Variants in PLXNA4 observed in about 807,000 individuals in gnomAD.
PLXNA4 encodes the protein plexin A4, also known as plexin-A4.
PLXNA4 carries 44 observed loss-of-function variants against 191.8 expected under a neutral mutation model. The observed-to-expected ratio is 0.23, with a 90% CI of 0.18 to 0.29. PLXNA4 has a LOEUF of 0.29. PLXNA4 is among the 10% of genes least tolerant of loss of function. The pLI, the probability that PLXNA4 is intolerant of heterozygous loss-of-function variation, is 1.00. For synonymous variants in PLXNA4, 1,082 were observed against 1,009.5 expected (o/e 1.07, Z -1.36); for missense variants, 1,800 against 2,488.8 (o/e 0.72, Z 5.89).
At position 132,228,379 on chromosome 7, in the gene PLXNA4, G is replaced by A; in HGVS notation, c.1695C>T (p.Pro565=). 1 of 1,614,070 alleles carries A rather than the reference G, an allele frequency of 6.2e-7. No individual in the cohort carries two copies. Among genetic ancestry groups the A allele is most frequent in the Non-Finnish European group, 8.5e-7 (1 of 1,180,002 alleles). The change falls in exon 6 of 32, where the codon CCC becomes CCT. Residue 565 remains proline, a synonymous_variant. Transcript: ENST00000321063. ...MKQCVRLTVH[P]NNISVSQYNV... is the part of the protein sequence containing the mutation. ...TGTACTGAGAGACGGAGATATTGTT[G>A]GGATGGACCGTCAGCCGGACACACT...
chr7:132,238,388 T>C (rs917290153), intron 5 of PLXNA4, among the ~76,000 whole-genome samples: 3 of 152,154 alleles, frequency 2.0e-5, no homozygotes, highest in Admixed American at 2.0e-4. Context: ...CCATGTGCAA[T>C]GAGAACTGAC....
At chr7:132,391,991 G>GT (rs1793512934) in intron 3 of PLXNA4, among the ~76,000 whole-genome samples, 1 of 152,102 alleles carries the variant, frequency 6.6e-6, no homozygotes, top group Non-Finnish European at 1.5e-5. Flanking sequence ...AGCCAGGCAC[G>GT]GTGGCAGGTA....
At chr7:132,575,386 G>C (rs924734820) in intron 1 of PLXNA4, among the ~76,000 whole-genome samples, 6 of 152,200 alleles carry the variant, frequency 3.9e-5, no homozygotes, top group African/African-American at 1.4e-4. Flanking sequence ...GCAGACCCAC[G>C]AATGCCTTGC....
chr7:132,193,366 A>C (rs968737767), intron 14 of PLXNA4, among the ~76,000 whole-genome samples: 1 of 152,194 alleles, frequency 6.6e-6, no homozygotes, highest in African/African-American at 2.4e-5. Context: ...CCCAGCCTCC[A>C]GAACAAGGAG....
rs60066124 is a variant in PLXNA4 at position 132,447,155 on chromosome 7, C to T, written c.1371+42137G>A. The stretch of plus-strand genomic sequence containing the variant: ...TTTCCGGTTGATTTCACCTTAGAGG[C>T]TTGCAGTTGGCTCACCAGGCTCCCA... On this transcript the variant is annotated intron_variant, in intron 3 of 31. Transcript: ENST00000321063. Among the ~76,000 whole-genome samples, 1,296 of 152,290 alleles carry T rather than the reference C, an allele frequency of 8.5e-3. 20 individuals are homozygous for T. Among genetic ancestry groups the T allele is most frequent in the African/African-American group, 0.027 (1,134 of 41,554 alleles).
At chr7:132,371,649 G>A (rs561731810) in intron 3 of PLXNA4, among the ~76,000 whole-genome samples, 8 of 152,174 alleles carry the variant, frequency 5.3e-5, no homozygotes, top group African/African-American at 1.7e-4. Context: ...CCTTAAACTC[G>A]AGTGGGGACG....
chr7:132,161,504 A>AGCACTTGGGGGCTTT (rs1288333965), intron 24 of PLXNA4, among the ~76,000 whole-genome samples: 1 of 152,336 alleles, frequency 6.6e-6, no homozygotes, highest in Admixed American at 6.5e-5. Flanking sequence ...TGTGAATAGA[A>AGCACTTGGGGGCTTT]GCACTTGGGG....
At chr7:132,293,182 T>C (rs187670941) in intron 4 of PLXNA4, among the ~76,000 whole-genome samples, 1 of 152,150 alleles carries the variant, frequency 6.6e-6, no homozygotes, top group East Asian at 1.9e-4. Flanking sequence ...TCTGTTAACT[T>C]GGAAAGTGCT....
chr7:132,315,342 G>A (rs930474087), intron 3 of PLXNA4, among the ~76,000 whole-genome samples: 1 of 152,108 alleles, frequency 6.6e-6, no homozygotes, highest in African/African-American at 2.4e-5. Context: ...AAGACTTCTT[G>A]TCCAAAACAA....
At chr7:132,190,231 A>G (rs1797044260) in intron 14 of PLXNA4, among the ~76,000 whole-genome samples, 1 of 152,240 alleles carries the variant, frequency 6.6e-6, no homozygotes, top group Admixed American at 6.5e-5. Flanking sequence ...CTTTGCCTCC[A>G]GCTTCTTCTA....
At chr7:132,224,480 C>T (rs1230429475) in intron 8 of PLXNA4, among the ~76,000 whole-genome samples, 1 of 152,192 alleles carries the variant, frequency 6.6e-6, no homozygotes, top group East Asian at 1.9e-4. Context: ...TGTCCAGCTC[C>T]TCTACTAGTC....
At chr7:132,485,163 A>G (rs1474186381) in intron 3 of PLXNA4, 2 of 1,190,006 alleles carry the variant, frequency 1.7e-6, no homozygotes, top group East Asian at 5.1e-5. Context: ...CCCAGTACCT[A>G]TTCAGAGAGG....
chr7:132,476,566 G>A lies in PLXNA4; in HGVS notation c.1371+12726C>T, dbSNP rs538920821. ...CCCTGATACGGAGGCATGTGAGCTT[G>A]TTTTAAGTCAGTAGACAGCTTTGGG... On this transcript the variant is annotated intron_variant, in intron 3 of 31. Transcript: ENST00000321063. Among the ~76,000 whole-genome samples, 8 of 152,292 alleles carry A rather than the reference G, an allele frequency of 5.3e-5. No homozygotes were observed. In the South Asian group the frequency reaches 1.7e-3, roughly 32 times the overall value.
chr7:132,132,380 TTGTTCTGTTC>T (rs1156315109), intron 31 of PLXNA4, among the ~76,000 whole-genome samples: 2,846 of 128,784 alleles, frequency 0.022, 115 homozygotes, highest in Non-Finnish European at 0.033. Flanking sequence ...CACATTCTAT[TTGTTCTGTTC>T]TGTTCTGTTC....
Position 132,151,494 on chromosome 7 carries a change from AAGG to A in PLXNA4, c.4661-2851_4661-2849del, listed in dbSNP as rs1186108507. Reference sequence around the variant, plus strand: ...AGAAAGGAGGAGGAGGAGGAAGAAGAAGGAGGAGGAGGAGGAGAAAGGAGGAGG... The same window carrying A: ...AGAAAGGAGGAGGAGGAGGAAGAAGAAGGAGGAGGAGGAGAAAGGAGGAGG... On this transcript the variant is annotated intron_variant, in intron 25 of 31. Transcript: ENST00000321063. Among the ~76,000 whole-genome samples, 53 of 12,892 alleles carry A rather than the reference AAGG, an allele frequency of 4.1e-3. 1 individual carries two copies. The East Asian group carries it at 0.044, about 11-fold the overall frequency. 8.5% of individuals were successfully genotyped at this position (12,892 alleles called of 152,430 possible).
intron 25 of PLXNA4, among the ~76,000 whole-genome samples, chr7:132,150,581 G>C (rs1795568124): frequency 6.6e-6 from 1 of 152,210 alleles, no homozygotes; most frequent in African/African-American, 2.4e-5. Context: ...GGGATGCAAT[G>C]AACTCAGCTC....
At chr7:132,215,291 T>C (rs1036417009) in intron 9 of PLXNA4, among the ~76,000 whole-genome samples, 28 of 152,346 alleles carry the variant, frequency 1.8e-4, no homozygotes, top group African/African-American at 6.5e-4. Flanking sequence ...CCATGTGCTA[T>C]GAGACAGGAG....
chr7:132,510,404 G>A (rs1798664870), intron 1 of PLXNA4, among the ~76,000 whole-genome samples: 2 of 152,240 alleles, frequency 1.3e-5, no homozygotes, highest in Non-Finnish European at 2.9e-5. Context: ...AGACTGGTTA[G>A]TGGAACACAC....
intron 3 of PLXNA4, among the ~76,000 whole-genome samples, chr7:132,402,598 A>T (rs796919862): frequency 2.4e-4 from 37 of 152,322 alleles, no homozygotes; most frequent in African/African-American, 8.9e-4. Flanking sequence ...ACCCCCTGCC[A>T]AAAACACAGC....
Sources: allele counts gnomAD v4.1 joint callset (sites outside exome capture counted in the v4.1 genomes callset), GRCh38; gene constraint gnomAD v4.1.1; transcripts MANE v1.5; gene names NCBI Gene and HGNC (gene_info 2026-07-23, HGNC 2026-07-21).